The following SYTL5 variants were observed in gnomAD, a reference collection of about 807,000 sequenced individuals.
SYTL5 encodes the protein synaptotagmin-like protein 5.
In SYTL5, 34 loss-of-function variants were observed where a neutral mutation model predicts 55.9. That is an observed-to-expected ratio of 0.61 (90% CI 0.46 to 0.81). The LOEUF (loss-of-function observed/expected upper bound fraction) is 0.81, where lower values mean the gene tolerates loss of function less well. SYTL5 is among the 30% of genes least tolerant of loss of function. SYTL5 has a pLI of 0.00. For missense variants in SYTL5, 637 were observed against 546.7 expected (o/e 1.17, Z -1.65); for synonymous variants, 221 against 188.7 (o/e 1.17, Z -1.40).
chrX:38,026,953 C>A (rs1290939610), intron 1 of SYTL5, among the ~76,000 whole-genome samples: 1 of 111,891 alleles, frequency 8.9e-6, no homozygotes, highest in Non-Finnish European at 1.9e-5. Flanking sequence ...TTTCCCCTTC[C>A]CTTTTACAAG....
the SYTL5 span, among the ~76,000 whole-genome samples, chrX:37,889,926 C>G: frequency 1.8e-5 from 2 of 111,585 alleles, no homozygotes; most frequent in Non-Finnish European, 3.8e-5. Context: ...TTGTGTCATA[C>G]TAATGTGGCA....
intron 1 of SYTL5, among the ~76,000 whole-genome samples, chrX:38,026,781 T>C (rs1934791303): frequency 9.0e-6 from 1 of 111,669 alleles, no homozygotes; most frequent in Non-Finnish European, 1.9e-5. Context: ...ACTGCAGTTT[T>C]ATCAACAAGG....
chrX:38,016,390 A>G (rs1320151370), intron 1 of SYTL5, among the ~76,000 whole-genome samples: 3 of 111,806 alleles, frequency 2.7e-5, no homozygotes, highest in Non-Finnish European at 5.6e-5. Flanking sequence ...GCTCCTTGCT[A>G]CATGTGGCAG....
At chrX:38,010,046 A>T (rs764184463) in intron 1 of SYTL5, among the ~76,000 whole-genome samples, 1 of 112,213 alleles carries the variant, frequency 8.9e-6, no homozygotes, top group Non-Finnish European at 1.9e-5. Context: ...CAGTCAGATG[A>T]CCTGAGTTTG....
chrX:37,917,776 CT>C, the SYTL5 span, among the ~76,000 whole-genome samples: 1 of 111,340 alleles, frequency 9.0e-6, no homozygotes, highest in Non-Finnish European at 1.9e-5. Context: ...CATTCTGCTT[CT>C]TTATACTCTA....
the SYTL5 span, among the ~76,000 whole-genome samples, chrX:37,912,442 G>A: frequency 8.9e-6 from 1 of 112,042 alleles, no homozygotes; most frequent in Non-Finnish European, 1.9e-5. Flanking sequence ...TGGTCAGAGT[G>A]TCTGGTCTCC....
intron 2 of SYTL5, among the ~76,000 whole-genome samples, chrX:38,050,448 T>G (rs1301793797): frequency 8.9e-6 from 1 of 111,762 alleles, no homozygotes; most frequent in Non-Finnish European, 1.9e-5. Flanking sequence ...ACCATCAAGA[T>G]AGTTAATCTT....
chrX:38,101,123 A>G (rs1369035458), intron 9 of SYTL5, among the ~76,000 whole-genome samples: 2 of 111,445 alleles, frequency 1.8e-5, no homozygotes, highest in Non-Finnish European at 3.8e-5. Flanking sequence ...CACAAAGTAC[A>G]AAAACAGGCA....
the SYTL5 span, among the ~76,000 whole-genome samples, chrX:37,972,497 C>T: frequency 4.5e-5 from 5 of 111,606 alleles, no homozygotes; most frequent in African/African-American, 1.6e-4. Context: ...ACGTTAGCTC[C>T]GGTTTCGGGC....
chrX:38,115,241 T>C (rs1232635681), intron 13 of SYTL5, among the ~76,000 whole-genome samples: 3 of 108,268 alleles, frequency 2.8e-5, no homozygotes, highest in Non-Finnish European at 5.7e-5. Context: ...TCCCAGCACT[T>C]TGGGAGGCCG....
chrX:37,910,967 C>CTT, the SYTL5 span, among the ~76,000 whole-genome samples: 19 of 82,723 alleles, frequency 2.3e-4, 1 homozygote, highest in African/African-American at 8.2e-4. Flanking sequence ...GATAGCATTA[C>CTT]TTTTTTTTTT....
chrX:38,013,304 A>G (rs1934246769), intron 1 of SYTL5, among the ~76,000 whole-genome samples: 2 of 112,338 alleles, frequency 1.8e-5, no homozygotes, highest in South Asian at 7.4e-4. Context: ...ATGGCTTTAT[A>G]CTTAAGCACA....
At chrX:37,958,847 C>T in the SYTL5 span, among the ~76,000 whole-genome samples, 1 of 112,457 alleles carries the variant, frequency 8.9e-6, no homozygotes, top group African/African-American at 3.2e-5. Context: ...AAATAAGTAG[C>T]TGGTCTTAGC....
intron 1 of SYTL5, among the ~76,000 whole-genome samples, chrX:38,007,883 A>C (rs1462415661): frequency 6.3e-5 from 7 of 111,433 alleles, no homozygotes; most frequent in Admixed American, 5.7e-4. Flanking sequence ...TGCTTTTTCT[A>C]TGTATTTATG....
chrX:37,969,203 C>T, the SYTL5 span, among the ~76,000 whole-genome samples: 2 of 111,990 alleles, frequency 1.8e-5, no homozygotes, highest in African/African-American at 6.5e-5. Flanking sequence ...ATATTTTATG[C>T]TTCTCCTATT....
the SYTL5 span, among the ~76,000 whole-genome samples, chrX:37,977,922 G>A: frequency 1.8e-5 from 2 of 111,107 alleles, no homozygotes; most frequent in Non-Finnish European, 3.8e-5. Flanking sequence ...GGCACCAAAG[G>A]AGAGAACACC....
the SYTL5 span, among the ~76,000 whole-genome samples, chrX:37,935,906 G>A: frequency 4.5e-5 from 5 of 111,844 alleles, no homozygotes; most frequent in Middle Eastern, 4.7e-3. Context: ...ACGAGTAATC[G>A]CATTAAATAT....
At chrX:38,091,624 T>G (rs1310825566) in intron 7 of SYTL5, among the ~76,000 whole-genome samples, 1 of 111,583 alleles carries the variant, frequency 9.0e-6, no homozygotes, top group African/African-American at 3.3e-5. Flanking sequence ...GGAGGTGGAC[T>G]GGGAGTAGTG....
chrX:37,917,319 C>T, the SYTL5 span, among the ~76,000 whole-genome samples: 1 of 111,310 alleles, frequency 9.0e-6, no homozygotes, highest in African/African-American at 3.3e-5. Context: ...ATTTTTCTGC[C>T]CTTTAAGATT....
Sources: gnomAD v4.1 joint callset for allele counts (sites outside exome capture counted in the v4.1 genomes callset) on GRCh38, gnomAD v4.1.1 for gene constraint, MANE v1.5 for transcripts, NCBI Gene and HGNC (gene_info 2026-07-23, HGNC 2026-07-21) for gene names.